ZNF117: variants seen among roughly 807,000 people sequenced by gnomAD.
ZNF117 encodes Krueppel-related zinc finger protein.
ZNF117 carries 37 observed loss-of-function variants against 41.2 expected under a neutral mutation model. The ratio of observed to expected loss-of-function variants is 0.90; its 90% confidence interval spans 0.69 to 1.18. The LOEUF (loss-of-function observed/expected upper bound fraction) is 1.18. ZNF117 is among the 50% of genes most tolerant of loss of function. ZNF117 has a pLI of 0.00. For synonymous variants in ZNF117, 186 were observed against 186.6 expected, an observed-to-expected ratio of 1.00 and a Z score of 0.02; for missense variants, 546 against 557.5, an observed-to-expected ratio of 0.98 and a Z score of 0.21.
downstream of ZNF117, chr7:64,972,587 T>C (rs1785800220): frequency 6.6e-6 from 1 of 152,050 alleles, no homozygotes; most frequent in Non-Finnish European, 1.5e-5. Context: ...TCTAAGAAAC[T>C]TAATCCCATT....
intron 1 of ZNF117, 99 bp from the exon 3 acceptor site, chr7:64,981,581 T>C: frequency 9.8e-7 from 1 of 1,023,180 alleles, no homozygotes; most frequent in East Asian, 2.7e-5. Context: ...AATATTCTAG[T>C]AAATTAATCC....
exon 3 of ZNF117, chr7:64,975,247 A>G (rs996842324): frequency 1.3e-5 from 2 of 151,538 alleles, no homozygotes; most frequent in Non-Finnish European, 1.5e-5. Context: ...TAAAAAATTA[A>G]GTTCACAATA....
At chr7:64,978,410 A>G (rs1342992119) in exon 3 of ZNF117, 2 of 1,606,184 alleles carry the variant, frequency 1.2e-6, no homozygotes, top group East Asian at 4.5e-5. Flanking sequence ...ATTTGTGGGG[A>G]TTCTCTCCAG....
At chr7:64,971,843 G>C (rs1608713), downstream of ZNF117, 136,515 of 152,088 alleles carry the variant, frequency 0.9, 61,787 homozygotes, top group South Asian at 0.97. Context: ...AGATACGTTA[G>C]ATTACTTGAA....
exon 3 of ZNF117, chr7:64,979,091 A>G: frequency 6.2e-7 from 1 of 1,613,144 alleles, no homozygotes. Flanking sequence ...GTTTTTCTCC[A>G]GTATGAATTC....
exon 1 of ZNF117, chr7:64,990,034 T>C (rs1318739978): frequency 6.6e-6 from 1 of 152,118 alleles, no homozygotes; most frequent in African/African-American, 2.4e-5. Context: ...ATCATGCCAC[T>C]GCACTCCATC....
chr7:64,985,243 A>G (rs1786110905), upstream of ZNF117, among the ~76,000 whole-genome samples: 2 of 152,208 alleles, frequency 1.3e-5, no homozygotes, highest in African/African-American at 4.8e-5. Flanking sequence ...ATAAATATAA[A>G]CCAAAGCACA....
intron 2 of ZNF117, chr7:64,981,070 T>G (rs1786015388): frequency 3.4e-6 from 1 of 290,368 alleles, no homozygotes; most frequent in South Asian, 5.0e-5. Context: ...TTTCTCAAAA[T>G]TATGCATATT....
exon 3 of ZNF117, chr7:64,978,539 T>C (rs369540832): frequency 4.3e-5 from 69 of 1,612,846 alleles, no homozygotes; most frequent in Admixed American, 1.7e-4. Flanking sequence ...GGTTTGAGAG[T>C]TGGTTAAAAG....
At chr7:64,974,335 G>A (rs1453822892), downstream of ZNF117, 1 of 151,750 alleles carries the variant, frequency 6.6e-6, no homozygotes, top group Non-Finnish European at 1.5e-5. Flanking sequence ...GGTCTAGCAT[G>A]ACTAACAGGC....
chr7:64,982,000 C>T, exon 1 of ZNF117: 1 of 681,512 alleles, frequency 1.5e-6, no homozygotes, highest in Non-Finnish European at 2.6e-6. Flanking sequence ...CCAAGAAAAC[C>T]AGGTTTCTGT....
exon 3 of ZNF117, chr7:64,975,433 A>G (rs914360151): frequency 3.3e-5 from 5 of 151,706 alleles, no homozygotes; most frequent in African/African-American, 1.2e-4. Context: ...TTAAACACAA[A>G]GAGCCTCTCC....
chr7:64,984,814 A>C (rs1158598942), upstream of ZNF117, among the ~76,000 whole-genome samples: 1 of 152,112 alleles, frequency 6.6e-6, no homozygotes, highest in African/African-American at 2.4e-5. Flanking sequence ...TTGTTTTGAA[A>C]CAGTCTCGCT....
At chr7:64,984,030 C>G (rs2129119974), upstream of ZNF117, among the ~76,000 whole-genome samples, 1 of 152,362 alleles carries the variant, frequency 6.6e-6, no homozygotes, top group East Asian at 1.9e-4. Context: ...GGGTCATATT[C>G]TCAGCAGAAT....
At chr7:64,979,638 G>A in intron 2 of ZNF117, 102 bp from the exon 4 acceptor site, 6 of 910,718 alleles carry the variant, frequency 6.6e-6, no homozygotes, top group African/African-American at 1.7e-5. Flanking sequence ...TAAGCAAGAT[G>A]GCATAGCAAA....
downstream of ZNF117, chr7:64,974,239 A>C (rs1785831546): frequency 6.6e-6 from 1 of 151,874 alleles, no homozygotes; most frequent in Non-Finnish European, 1.5e-5. Context: ...GAATTTTATA[A>C]AAATCATTCT....
At chr7:64,990,868 G>A (rs1786247708) in exon 1 of ZNF117, 2 of 175,026 alleles carry the variant, frequency 1.1e-5, no homozygotes, top group African/African-American at 4.7e-5. Context: ...GGTCAGGAAA[G>A]GACTTGTTTT....
chr7:64,973,552 A>G (rs1785816270), downstream of ZNF117: 1 of 151,988 alleles, frequency 6.6e-6, no homozygotes, highest in Non-Finnish European at 1.5e-5. Flanking sequence ...TATCTTAATT[A>G]ACTGATCAGA....
At chr7:64,976,855 T>G in exon 3 of ZNF117, 5 of 446,782 alleles carry the variant, frequency 1.1e-5, no homozygotes, top group South Asian at 8.1e-5. Context: ...TTAGTAAAGT[T>G]TGAGATTTAG....
Sources: gnomAD v4.1 joint callset for allele counts (sites outside exome capture counted in the v4.1 genomes callset) on GRCh38, gnomAD v4.1.1 for gene constraint, MANE v1.5 for transcripts, NCBI Gene and HGNC (gene_info 2026-07-23, HGNC 2026-07-21) for gene names.